Variants in SRGAP3 observed in about 807,000 individuals in gnomAD.
The protein encoded by SRGAP3 is SLIT-ROBO Rho GTPase activating protein 3, also known as SLIT-ROBO Rho GTPase-activating protein 3.
A neutral mutation model predicts 121.1 loss-of-function variants in SRGAP3; 39 were observed. That is an observed-to-expected ratio of 0.32 (90% CI 0.25 to 0.42). The LOEUF (loss-of-function observed/expected upper bound fraction) is 0.42. SRGAP3 is among the 10% of genes least tolerant of loss of function. The probability of loss-of-function intolerance (pLI) is 1.00; values close to 1 mark genes in which losing one functional copy is unlikely to be tolerated. For missense variants in SRGAP3, 1,213 were observed against 1,470.6 expected (o/e 0.82, Z 2.86); for synonymous variants, 601 against 570.0 (o/e 1.05, Z -0.77).
At chr3:9,279,096 C>A (rs1954632959) in intron 3 of SRGAP3, among the ~76,000 whole-genome samples, 1 of 152,022 alleles carries the variant, frequency 6.6e-6, no homozygotes, top group South Asian at 2.1e-4. Flanking sequence ...GCACTCCAAC[C>A]TGGGCAACAG....
intron 9 of SRGAP3, among the ~76,000 whole-genome samples, chr3:9,049,930 C>T (rs762897714): frequency 4.0e-5 from 6 of 149,758 alleles, no homozygotes; most frequent in Non-Finnish European, 9.0e-5. Flanking sequence ...TAGCTGGGAC[C>T]TCAGCCTCCC....
intron 1 of SRGAP3, among the ~76,000 whole-genome samples, chr3:9,352,727 C>A (rs975456860): frequency 1.3e-5 from 2 of 152,162 alleles, no homozygotes; most frequent in Non-Finnish European, 2.9e-5. Context: ...CCTTGGTGTG[C>A]GTTTGAATCT....
chr3:8,987,017 C>A (rs3846163), intron 21 of SRGAP3, among the ~76,000 whole-genome samples: 14,906 of 152,278 alleles, frequency 0.098, 2,014 homozygotes, highest in African/African-American at 0.29. Flanking sequence ...GGGCCCCGGA[C>A]TTTTGAGTAA....
At chr3:9,358,787 T>C (rs574674401) in intron 1 of SRGAP3, among the ~76,000 whole-genome samples, 4 of 152,286 alleles carry the variant, frequency 2.6e-5, no homozygotes, top group Admixed American at 6.5e-5. Flanking sequence ...ACATATTTTC[T>C]GGTTTATTAC....
intron 10 of SRGAP3, 102 bp downstream of exon 10, chr3:9,047,289 G>A: frequency 2.5e-6 from 3 of 1,199,168 alleles, no homozygotes; most frequent in Non-Finnish European, 3.6e-6. Context: ...TCTGCCAGGT[G>A]CCTGCTGTCT....
In SRGAP3 at chr3:9,348,887, C is replaced by T. The variant is rs571202066; in HGVS notation, n.214+13953G>A. ...TGCAAACCTCACTGAAGATCAGCTA[C>T]CCTCCTGTGAGAGTCTGAAGGACAC... On this transcript the variant is annotated intron_variant and non_coding_transcript_variant, in intron 1 of 3. Coordinates refer to the SRGAP3 transcript ENST00000490889. The T allele has an allele frequency of 3.1e-5, 35 of 1,118,942 alleles. No individual in the cohort carries two copies. The South Asian group carries it at 4.1e-4, about 13-fold the overall frequency. The allele number at this position is 1,118,942 out of a possible 1,614,324, so 69.3% of individuals were successfully genotyped here. A position where few individuals can be genotyped will look rare whatever the true frequency, so the allele number is the denominator to read the frequency against.
intron 1 of SRGAP3, among the ~76,000 whole-genome samples, chr3:9,225,568 AG>A (rs1424691365): frequency 6.6e-5 from 10 of 152,202 alleles, no homozygotes; most frequent in Admixed American, 5.9e-4. Flanking sequence ...TTTTAAAAGC[AG>A]CTATAAAAGC....
chr3:8,991,084 GA>G (rs1942029864), intron 20 of SRGAP3, among the ~76,000 whole-genome samples: 1 of 152,230 alleles, frequency 6.6e-6, no homozygotes, highest in Admixed American at 6.5e-5. Flanking sequence ...CCAGGCCACA[GA>G]CAGCTGTGCC....
rs959449824 is a variant in SRGAP3 at position 9,218,965 on chromosome 3, G to A, written c.67+29920C>T. Among the ~76,000 whole-genome samples, 6 of 152,006 alleles carry A rather than the reference G, an allele frequency of 3.9e-5. No homozygotes were observed. The East Asian group carries it at 5.8e-4, about 15-fold the overall frequency. On this transcript the variant is annotated intron_variant, in intron 1 of 21. Transcript: ENST00000383836. The surrounding 1 kb of genome is among the most constrained non-coding windows in gnomAD (Gnocchi z 5.3). The stretch of plus-strand genomic sequence containing the variant: ...TGGGATTACAGGCGTGAGCCACTGC[G>A]CCCAGCCTATTTTATCTTATCTTAT...
chr3:9,276,384 G>A (rs1009292560), intron 3 of SRGAP3, among the ~76,000 whole-genome samples: 1 of 151,178 alleles, frequency 6.6e-6, no homozygotes, highest in Non-Finnish European at 1.5e-5. Context: ...TCCAGACCCT[G>A]ACTGTCTTCC....
rs151083144 is a variant in SRGAP3 at position 9,157,951 on chromosome 3, G to A, written c.68-33034C>T. 1.6e-3 allele frequency among the ~76,000 whole-genome samples: 247 copies of A among 152,316 alleles called. 1 individual carries two copies. The highest frequency in any genetic ancestry group is 5.4e-3 in the African/African-American group (225 of 41,570). ...CCACAAGTTTCTCTTTTACTACTCA[G>A]TGAATAACAGCTGTTGTTATTTTCA... On this transcript the variant is annotated intron_variant, in intron 1 of 21. Transcript: ENST00000383836.
chr3:9,008,962 G>A (rs974017873), intron 18 of SRGAP3, among the ~76,000 whole-genome samples: 13 of 152,154 alleles, frequency 8.5e-5, no homozygotes, highest in African/African-American at 2.4e-4. Context: ...CCACTGCACC[G>A]GAAGATCCTA....
At chr3:9,307,694 G>A (rs910583500) in intron 3 of SRGAP3, among the ~76,000 whole-genome samples, 9 of 152,150 alleles carry the variant, frequency 5.9e-5, no homozygotes, top group African/African-American at 2.2e-4. Context: ...TGGCATCTTT[G>A]GCAAAATAGG....
rs372896718 is a variant in SRGAP3, at chr3:9,002,341, ATAAC to A, written c.2228-7822_2228-7819del. ...CAAAAATTATACAGCATACTGCTAAATAACTAGTGGTTGAAGAAAAAAATCAAAA... is the reference window on the plus strand; with the variant it reads ...CAAAAATTATACAGCATACTGCTAAATAGTGGTTGAAGAAAAAAATCAAAA... On this transcript the variant is annotated intron_variant, in intron 18 of 21. Coordinates refer to ENST00000383836, the MANE Select transcript of SRGAP3 (RefSeq NM_014850.4). Among the ~76,000 whole-genome samples, 66 of 152,354 alleles carry A rather than the reference ATAAC, an allele frequency of 4.3e-4. 1 individual carries two copies. The East Asian group carries it at 4.8e-3, about 11-fold the overall frequency.
At chr3:9,032,916 T>C (rs2125093509) in intron 11 of SRGAP3, among the ~76,000 whole-genome samples, 164 bp from the exon 12 acceptor site, 1 of 152,182 alleles carries the variant, frequency 6.6e-6, no homozygotes, top group South Asian at 2.1e-4. Context: ...CTGAAGGCCT[T>C]TGGATGTTTT....
chr3:9,030,812 C>T (rs748396818), intron 12 of SRGAP3, among the ~76,000 whole-genome samples: 5 of 152,230 alleles, frequency 3.3e-5, no homozygotes, highest in Non-Finnish European at 7.3e-5. Context: ...GTCCCTGTCT[C>T]TGAGCCTTCA....
At chr3:9,345,957 T>C (rs1955883694) in intron 1 of SRGAP3, among the ~76,000 whole-genome samples, 1 of 152,188 alleles carries the variant, frequency 6.6e-6, no homozygotes, top group African/African-American at 2.4e-5. Context: ...CCAAGTTCTT[T>C]AATTCTTACA....
At chr3:9,213,697 T>C (rs186681558) in intron 1 of SRGAP3, among the ~76,000 whole-genome samples, 2 of 152,310 alleles carry the variant, frequency 1.3e-5, no homozygotes, top group Admixed American at 1.3e-4. Flanking sequence ...TAGAATAAAA[T>C]ACGAACTCTT....
intron 3 of SRGAP3, among the ~76,000 whole-genome samples, chr3:9,261,873 A>T (rs1954262043): frequency 1.1e-5 from 1 of 90,292 alleles, no homozygotes; most frequent in Non-Finnish European, 2.6e-5. Flanking sequence ...CTCCTCATAT[A>T]TTTAAAAAAA....
Sources: gnomAD v4.1 joint callset for allele counts (sites outside exome capture counted in the v4.1 genomes callset) on GRCh38, gnomAD v4.1.1 for gene constraint, Gnocchi (gnomAD v3.1) non-coding constraint, MANE v1.5 for transcripts, NCBI Gene and HGNC (gene_info 2026-07-23, HGNC 2026-07-21) for gene names.